SPATA13: variants seen among roughly 807,000 people sequenced by gnomAD.
The protein encoded by SPATA13 is spermatogenesis-associated protein 13.
Under a neutral mutation model 104.0 loss-of-function variants are expected in SPATA13, and 50 were observed. That is an observed-to-expected ratio of 0.48 (90% CI 0.38 to 0.61). The LOEUF is 0.61. Among genes scored for constraint, SPATA13 ranks in the 20% least tolerant of loss-of-function variants. The pLI is 0.00. For synonymous variants in SPATA13, 606 were observed against 667.5 expected (o/e 0.91, Z 1.42); for missense variants, 1,524 against 1,690.6 (o/e 0.90, Z 1.73).
chr13:24,214,810 G>A (rs112612236), intron 1 of SPATA13, among the ~76,000 whole-genome samples: 2,302 of 152,222 alleles, frequency 0.015, 46 homozygotes, highest in African/African-American at 0.045. Flanking sequence ...TTGCATCTCC[G>A]CTTTCCTTTT....
intron 3 of SPATA13, among the ~76,000 whole-genome samples, chr13:24,054,579 CAT>C (rs1436029073): frequency 6.6e-6 from 1 of 152,172 alleles, no homozygotes; most frequent in Non-Finnish European, 1.5e-5. Context: ...AGCAGCAATT[CAT>C]AGTTACCCCC....
chr13:24,273,184 A>G (rs536845164), intron 4 of SPATA13: 2 of 152,552 alleles, frequency 1.3e-5, no homozygotes, highest in Admixed American at 1.3e-4. Flanking sequence ...CCCAGAGCCA[A>G]CGACGCCCCA....
chr13:24,277,492 G>A (rs1388709759), intron 4 of SPATA13, among the ~76,000 whole-genome samples: 1 of 144,656 alleles, frequency 6.9e-6, no homozygotes, highest in Non-Finnish European at 1.5e-5. Context: ...GTAATATATA[G>A]GATGGCTTGG....
Position 24,122,411 on chromosome 13 carries a change from C to T in SPATA13, c.-111-100408C>T, listed in dbSNP as rs942994356. ...GTGGAATAGCCTTCCAGAGCAGTCT[C>T]TTCCGCATCATCTTCTTACCAGTCT... is the stretch of plus-strand genomic sequence containing the variant. On this transcript the variant is annotated intron_variant, in intron 3 of 14. Coordinates refer to the SPATA13 transcript ENST00000424834. 1.4e-5 allele frequency: 22 copies of T among 1,587,984 alleles called. No individual in the cohort carries two copies. In the Middle Eastern group the frequency reaches 1.0e-3, roughly 72 times the overall value.
chr13:24,121,984 A>G (rs1279082058), intron 3 of SPATA13: 2 of 956,366 alleles, frequency 2.1e-6, no homozygotes, highest in African/African-American at 1.6e-5. Flanking sequence ...AGAGTAGATA[A>G]CATGAACCAC....
rs1882443782 is a variant in SPATA13 at position 24,160,854 on chromosome 13, G to A, written c.-190G>A. On this transcript the variant is annotated 5_prime_UTR_variant, in exon 1 of 13. Coordinates refer to ENST00000382108, the MANE Select transcript of SPATA13 (RefSeq NM_001166271.3). ...AGTGCGGCGACCTCGGGGCTCCGCC[G>A]GCACCGGAGGTGGCTCTGAGGGCAG... The A allele has an allele frequency of 1.0e-6, 1 of 984,702 alleles. No homozygotes were observed. Among genetic ancestry groups the A allele is most frequent in the South Asian group, 4.7e-5 (1 of 21,282 alleles). 61.0% of individuals were successfully genotyped at this position (984,702 alleles called of 1,614,324 possible).
Position 24,223,682 on chromosome 13 carries a change from G to A in SPATA13, c.753G>A (p.Arg251=). The change falls in exon 2 of 13, where the codon AGG becomes AGA. Residue 251 remains arginine (R), a synonymous_variant. Coordinates refer to ENST00000382108, the MANE Select transcript of SPATA13 (RefSeq NM_001166271.3). ...DPENNSMGYR[R]SKSTDNLAFL... ...AAAACAACAGCATGGGCTACAGGAG[G>A]AGCAAGAGCACGGACAATCTTGCCT... The A allele has an allele frequency of 6.4e-7, 1 of 1,552,242 alleles. No homozygotes were observed. The highest frequency in any genetic ancestry group is 1.2e-5 in the South Asian group (1 of 84,066).
chr13:24,031,832 C>G (rs1049463241), intron 3 of SPATA13, among the ~76,000 whole-genome samples: 1 of 152,184 alleles, frequency 6.6e-6, no homozygotes, highest in South Asian at 2.1e-4. Context: ...TCTGGACACC[C>G]TCTGGATTTC....
intron 3 of SPATA13, among the ~76,000 whole-genome samples, chr13:24,037,918 AT>A (rs912293042): frequency 3.7e-4 from 55 of 148,046 alleles, no homozygotes; most frequent in African/African-American, 1.0e-3. Flanking sequence ...ACTAGACTAG[AT>A]TTTTTTTTTT....
chr13:24,012,140 A>C (rs964619427), intron 2 of SPATA13, among the ~76,000 whole-genome samples: 1 of 152,204 alleles, frequency 6.6e-6, no homozygotes, highest in African/African-American at 2.4e-5. Context: ...CAGGTGTGTA[A>C]CCAGCCTATG....
chr13:24,181,761 C>CTT (rs374662974), intron 1 of SPATA13, among the ~76,000 whole-genome samples: 31,775 of 144,872 alleles, frequency 0.22, 3,875 homozygotes, highest in East Asian at 0.38. Flanking sequence ...TTACAGTTGA[C>CTT]TTTTTTTTTT....
intron 11 of SPATA13, among the ~76,000 whole-genome samples, chr13:24,299,966 C>T (rs1316899065): frequency 1.3e-5 from 2 of 152,204 alleles, no homozygotes; most frequent in Admixed American, 6.5e-5. Flanking sequence ...CTGCTACTCA[C>T]GTGGTACCTT....
rs772263153 is a variant in SPATA13, at chr13:24,282,288, C to T, written c.2165-1847C>T. On this transcript the variant is annotated intron_variant, in intron 4 of 12. Coordinates refer to ENST00000382108, the MANE Select transcript of SPATA13 (RefSeq NM_001166271.3). ...TTGATCCGAATATAAAACATCTCCC[C>T]AAGAAAGAACTCTTCAGTCAGAAAC... Among the ~76,000 whole-genome samples, 9 of 152,146 alleles carry T rather than the reference C, an allele frequency of 5.9e-5. No individual in the cohort carries two copies. The East Asian group carries it at 1.2e-3, about 20-fold the overall frequency.
intron 4 of SPATA13, 103 bp downstream of exon 4, chr13:24,251,965 G>A (rs1420037429): frequency 1.1e-4 from 150 of 1,423,790 alleles, no homozygotes; most frequent in Non-Finnish European, 1.4e-4. Context: ...CCTCCCTTGG[G>A]CCAGGGCGCG....
intron 3 of SPATA13, among the ~76,000 whole-genome samples, chr13:24,102,929 T>C (rs139476993): frequency 4.5e-4 from 69 of 152,354 alleles, no homozygotes; most frequent in African/African-American, 1.6e-3. Flanking sequence ...TAGTTTCAGG[T>C]CTTTAACCCA....
chr13:24,214,879 G>A (rs770379707), intron 1 of SPATA13, among the ~76,000 whole-genome samples: 1 of 152,198 alleles, frequency 6.6e-6, no homozygotes, highest in Admixed American at 6.5e-5. Flanking sequence ...ACTAAACTCA[G>A]CTGGTTTTGA....
rs112869131 is a variant in SPATA13 at position 24,020,091 on chromosome 13, G to A, written c.-112+2390G>A. ...CCACCTCAGAGCACCAAGCCTCACC[G>A]ACAGCCAGACTTAACCAGCTGCATA... On this transcript the variant is annotated intron_variant, in intron 3 of 14. Transcript: ENST00000424834. Among the ~76,000 whole-genome samples, 182 of 152,266 alleles carry A rather than the reference G, an allele frequency of 1.2e-3. 1 individual carries two copies. Among genetic ancestry groups the A allele is most frequent in the African/African-American group, 3.7e-3 (155 of 41,544 alleles).
At chr13:24,120,780 G>T (rs1252186121) in intron 3 of SPATA13, among the ~76,000 whole-genome samples, 1 of 152,210 alleles carries the variant, frequency 6.6e-6, no homozygotes, top group Admixed American at 6.5e-5. Flanking sequence ...AGCTGGTGAG[G>T]CTGCCAGGTG....
At position 24,271,013 on chromosome 13, in the gene SPATA13, T is replaced by A. The variant is rs74040456; in HGVS notation, c.2165-13122T>A. The A allele has an allele frequency of 1.2e-3, 910 of 742,688 alleles. 7 individuals carry two copies. In the African/African-American group the frequency reaches 0.016, roughly 13 times the overall value. The allele number at this position is 742,688 out of a possible 1,614,324, so 46.0% of individuals were successfully genotyped here. ...TTCCCCTCTCTCTCTCTCTCTCCAC[T>A]CTCTCTCACTCTCTCTCTCTCTCTC... On this transcript the variant is annotated intron_variant, in intron 4 of 12. Transcript: ENST00000382108.
Sources: gnomAD v4.1 joint callset for allele counts (sites outside exome capture counted in the v4.1 genomes callset) on GRCh38, gnomAD v4.1.1 for gene constraint, MANE v1.5 for transcripts, NCBI Gene and HGNC (gene_info 2026-07-23, HGNC 2026-07-21) for gene names.